PDE8A: variants seen among roughly 807,000 people sequenced by gnomAD.
PDE8A encodes high affinity cAMP-specific and IBMX-insensitive 3',5'-cyclic phosphodiesterase 8A.
Under a neutral mutation model 105.0 loss-of-function variants are expected in PDE8A, and 59 were observed. That is an observed-to-expected ratio of 0.56 (90% CI 0.46 to 0.70). PDE8A has a LOEUF of 0.70. Among genes scored for constraint, PDE8A ranks in the 30% least tolerant of loss-of-function variants. The pLI is 0.00. For synonymous variants in PDE8A, 355 were observed against 371.9 expected (o/e 0.95, Z 0.52); for missense variants, 1,014 against 1,045.9 (o/e 0.97, Z 0.42).
At chr15:85,067,226 A>C in intron 3 of PDE8A, 22 bp downstream of exon 3, 1 of 1,572,702 alleles carries the variant, frequency 6.4e-7, no homozygotes, top group Non-Finnish European at 8.7e-7. Flanking sequence ...ACTCGGGCCT[A>C]AATAGTCCCA....
chr15:85,045,524 AC>A (rs1253322575), intron 1 of PDE8A, among the ~76,000 whole-genome samples: 6 of 152,228 alleles, frequency 3.9e-5, no homozygotes, highest in Admixed American at 3.3e-4. Flanking sequence ...TAATGAGCTT[AC>A]CTTGCTCATA....
intron 1 of PDE8A, among the ~76,000 whole-genome samples, chr15:85,045,322 T>C (rs1000212623): frequency 2.6e-5 from 4 of 152,244 alleles, no homozygotes; most frequent in African/African-American, 9.6e-5. Context: ...AAATGCTGTT[T>C]TCCAGTTTCT....
In PDE8A at chr15:85,128,052, CAAAAAA is replaced by C. The variant is rs61221393; in HGVS notation, c.2253+1694_2253+1699del. On this transcript the variant is annotated intron_variant, in intron 20 of 21. Coordinates refer to ENST00000394553, the MANE Select transcript of PDE8A (RefSeq NM_002605.3). Reference sequence around the variant, plus strand: ...GTTAGGATAATTGGATATTCCTATGCAAAAAAAAAAAAAAAAAAAAAGAACCACAAC... The same window carrying C: ...GTTAGGATAATTGGATATTCCTATGCAAAAAAAAAAAAAAAGAACCACAAC... 3.3e-3 allele frequency among the ~76,000 whole-genome samples: 188 copies of C among 57,242 alleles called. 1 individual carries two copies. Among genetic ancestry groups the C allele is most frequent in the Admixed American group, 0.011 (63 of 5,618 alleles). The allele number at this position is 57,242 out of a possible 152,430, so 37.6% of individuals were successfully genotyped here.
chr15:85,098,222 C>T (rs963756236), intron 9 of PDE8A, among the ~76,000 whole-genome samples, 186 bp downstream of exon 9: 1 of 152,230 alleles, frequency 6.6e-6, no homozygotes, highest in African/African-American at 2.4e-5. Flanking sequence ...CCTCTACTTG[C>T]AGCCCAGAGC....
At chr15:85,009,835 T>G (rs2080212258) in intron 1 of PDE8A, among the ~76,000 whole-genome samples, 1 of 152,084 alleles carries the variant, frequency 6.6e-6, no homozygotes, top group Non-Finnish European at 1.5e-5. Flanking sequence ...ACTACTAGAA[T>G]GTCCATTGTA....
intron 8 of PDE8A, 179 bp from the exon 9 acceptor site, chr15:85,097,769 G>A (rs1039121026): frequency 2.1e-5 from 12 of 573,124 alleles, no homozygotes; most frequent in African/African-American, 2.1e-4. Flanking sequence ...CAACTCAGAA[G>A]GAGGTGGACT....
At chr15:85,048,115 A>G (rs750140836) in intron 1 of PDE8A, among the ~76,000 whole-genome samples, 1 of 152,188 alleles carries the variant, frequency 6.6e-6, no homozygotes, top group South Asian at 2.1e-4. Context: ...AACTGTAGGC[A>G]TAGTTTGCAT....
chr15:85,061,302 C>T lies in PDE8A; in HGVS notation c.187-3068C>T, dbSNP rs573282728. Among the ~76,000 whole-genome samples, 10 of 152,042 alleles carry T rather than the reference C, an allele frequency of 6.6e-5. No individual in the cohort carries two copies. The East Asian group carries it at 1.5e-3, about 23-fold the overall frequency. ...AGGCTGGAGTGCAATGGTGCAGTCT[C>T]GGCTCACTGCAACTTCTGCCTCCCA... On this transcript the variant is annotated intron_variant, in intron 1 of 21. Coordinates refer to ENST00000394553, the MANE Select transcript of PDE8A (RefSeq NM_002605.3).
At chr15:85,072,576 T>C (rs1425061128) in intron 3 of PDE8A, among the ~76,000 whole-genome samples, 1 of 152,188 alleles carries the variant, frequency 6.6e-6, no homozygotes, top group East Asian at 1.9e-4. Context: ...GTGGACATTA[T>C]GGCTAGTGTT....
intron 11 of PDE8A, among the ~76,000 whole-genome samples, chr15:85,106,727 A>G (rs972992509): frequency 1.3e-5 from 2 of 152,196 alleles, no homozygotes; most frequent in African/African-American, 4.8e-5. Context: ...CTGATGCAGT[A>G]CATTCATGGG....
chr15:85,113,036 C>G (rs2082042163), intron 12 of PDE8A, among the ~76,000 whole-genome samples: 1 of 152,124 alleles, frequency 6.6e-6, no homozygotes, highest in Non-Finnish European at 1.5e-5. Context: ...CATTTTTACT[C>G]CTAGAGAATG....
intron 1 of PDE8A, among the ~76,000 whole-genome samples, chr15:85,019,133 G>A (rs1185371200): frequency 6.6e-6 from 1 of 152,144 alleles, no homozygotes; most frequent in Admixed American, 6.5e-5. Flanking sequence ...ACTTGCTGGG[G>A]TAAAAGGTTT....
chr15:85,016,573 T>C (rs2080328364), intron 1 of PDE8A, among the ~76,000 whole-genome samples: 1 of 152,260 alleles, frequency 6.6e-6, no homozygotes, highest in Non-Finnish European at 1.5e-5. Context: ...ATAAGAATTA[T>C]CTTGCAAGGC....
chr15:85,019,943 G>GTTTTTTTTTTTTTTTTT (rs201634002), intron 1 of PDE8A, among the ~76,000 whole-genome samples: 5 of 64,762 alleles, frequency 7.7e-5, no homozygotes, highest in African/African-American at 1.3e-4. Context: ...TTTTTTTTTG[G>GTTTTTTTTTTTTTTTTT]TTTTTTTTTT....
chr15:85,091,225 G>C, intron 8 of PDE8A, 44 bp downstream of exon 8: 7 of 1,532,158 alleles, frequency 4.6e-6, no homozygotes, highest in Non-Finnish European at 5.3e-6. Context: ...ACAACACAGA[G>C]AGAAGGAAGA....
chr15:85,035,634 A>G (rs778740762), intron 1 of PDE8A, among the ~76,000 whole-genome samples: 9 of 152,242 alleles, frequency 5.9e-5, no homozygotes, highest in Non-Finnish European at 1.0e-4. Context: ...AAACTAATAA[A>G]TAAATGAATG....
chr15:85,031,564 A>G (rs1243057830), intron 1 of PDE8A, among the ~76,000 whole-genome samples: 1 of 152,116 alleles, frequency 6.6e-6, no homozygotes, highest in East Asian at 1.9e-4. Flanking sequence ...TTTATAGCAC[A>G]CGCAGCAATA....
At chr15:85,021,783 A>G (rs1170517104) in intron 1 of PDE8A, among the ~76,000 whole-genome samples, 1 of 152,176 alleles carries the variant, frequency 6.6e-6, no homozygotes, top group Non-Finnish European at 1.5e-5. Context: ...GTTATTTTGT[A>G]GGATTTTCCT....
chr15:85,127,892 A>G (rs1216847484), intron 20 of PDE8A, among the ~76,000 whole-genome samples: 1 of 152,166 alleles, frequency 6.6e-6, no homozygotes, highest in African/African-American at 2.4e-5. Flanking sequence ...GTTTGGCTTC[A>G]AAACTTAAAA....
Sources: gnomAD v4.1 joint callset for allele counts (sites outside exome capture counted in the v4.1 genomes callset) on GRCh38, gnomAD v4.1.1 for gene constraint, MANE v1.5 for transcripts, NCBI Gene and HGNC (gene_info 2026-07-23, HGNC 2026-07-21) for gene names.